The following KCNQ2 variants were observed in gnomAD, a reference collection of about 807,000 sequenced individuals.
KCNQ2 encodes the protein potassium voltage-gated channel subfamily KQT member 2.
In KCNQ2, 14 loss-of-function variants were observed where a neutral mutation model predicts 84.8. The observed-to-expected ratio is 0.17, with a 90% CI of 0.11 to 0.26. The LOEUF (loss-of-function observed/expected upper bound fraction) is 0.26, where lower values mean the gene tolerates loss of function less well. Ranked by LOEUF, KCNQ2 falls within the 10% of genes least tolerant of loss-of-function variation. KCNQ2 has a pLI of 1.00. For missense variants in KCNQ2, 788 were observed against 1,254.0 expected (o/e 0.63, Z 5.61); for synonymous variants, 599 against 554.1 (o/e 1.08, Z -1.14).
intron 9 of KCNQ2, among the ~76,000 whole-genome samples, chr20:63,429,976 G>A (rs1290976035): frequency 6.6e-6 from 1 of 152,256 alleles, no homozygotes; most frequent in Non-Finnish European, 1.5e-5. Context: ...CAGGAACCAG[G>A]CAGCTGGTGA....
chr20:63,442,959 TCACCACCACCAC>T (rs1568935393), intron 4 of KCNQ2, among the ~76,000 whole-genome samples: 1 of 22,874 alleles, frequency 4.4e-5, no homozygotes. Context: ...ATCATCACCA[TCACCACCACCAC>T]CACCATCACC....
intron 15 of KCNQ2, 83 bp downstream of exon 15, chr20:63,413,367 T>C (rs756516179): frequency 3.0e-5 from 47 of 1,560,820 alleles, no homozygotes; most frequent in Non-Finnish European, 4.0e-5. Flanking sequence ...CCCCCTGCAC[T>C]CCCACCATGG....
intron 11 of KCNQ2, among the ~76,000 whole-genome samples, chr20:63,422,906 C>T (rs891760979): frequency 2.6e-5 from 4 of 152,188 alleles, no homozygotes; most frequent in East Asian, 1.9e-4. Flanking sequence ...CGGGAAGCCT[C>T]GCGTCCACCT....
chr20:63,460,600 G>T lies in KCNQ2; in HGVS notation c.296+11568C>A, dbSNP rs988015388. ...CGGCCTCCACTTGCACACCTCCGGC[G>T]ACGGAGGGCTCACCCCACAGAAAGA... On this transcript the variant is annotated intron_variant, in intron 1 of 16. Transcript: ENST00000359125. This position sits in a 1 kb window ranked among gnomAD's most constrained non-coding sequence, Gnocchi z 5.4. Among the ~76,000 whole-genome samples, 3 of 152,172 alleles carry T rather than the reference G, an allele frequency of 2.0e-5. No homozygotes were observed. In the East Asian group the frequency reaches 5.8e-4, roughly 29 times the overall value.
At chr20:63,468,803 C>T (rs2082141892) in intron 1 of KCNQ2, among the ~76,000 whole-genome samples, 1 of 152,228 alleles carries the variant, frequency 6.6e-6, no homozygotes, top group Non-Finnish European at 1.5e-5. Flanking sequence ...CTGGCCACTC[C>T]ACGTGGCTGG....
chr20:63,407,409 G>A lies in KCNQ2; in HGVS notation c.1888-34C>T. On this transcript the variant is annotated intron_variant, in intron 16 of 16. Coordinates refer to ENST00000359125, the MANE Select transcript of KCNQ2 (RefSeq NM_172107.4). This position sits in a 1 kb window ranked among gnomAD's most constrained non-coding sequence, Gnocchi z 7.2. ...GGGGCTGCTGGGCTGGGGTGCGAGG[G>A]CCCGTCCCAGGAGATGTGGGGACCC... The A allele has an allele frequency of 6.3e-7, 1 of 1,595,776 alleles. No homozygotes were observed. The highest frequency in any genetic ancestry group is 8.5e-7 in the Non-Finnish European group (1 of 1,178,534).
chr20:63,450,267 G>C (rs1032505049), intron 1 of KCNQ2, among the ~76,000 whole-genome samples: 2 of 151,486 alleles, frequency 1.3e-5, no homozygotes, highest in Admixed American at 6.6e-5. Context: ...CTCTTCCAGA[G>C]GTCACGGCCC....
intron 7 of KCNQ2, among the ~76,000 whole-genome samples, chr20:63,437,984 A>C (rs539937512): frequency 6.6e-6 from 1 of 152,062 alleles, no homozygotes; most frequent in East Asian, 1.9e-4. Context: ...TAATTTTTGT[A>C]TTTTTAGGAG....
intron 1 of KCNQ2, among the ~76,000 whole-genome samples, chr20:63,453,129 C>T (rs1465603624): frequency 1.3e-5 from 2 of 152,116 alleles, no homozygotes; most frequent in East Asian, 1.9e-4. Flanking sequence ...CCGCGGTGGA[C>T]GTCGGCACAG....
chr20:63,443,693 G>A (rs910652761), intron 4 of KCNQ2: 1 of 152,240 alleles, frequency 6.6e-6, no homozygotes, highest in African/African-American at 2.4e-5. Context: ...GGGATATAGG[G>A]GCTGGATGGA....
chr20:63,434,139 G>A, intron 7 of KCNQ2: 1 of 552,368 alleles, frequency 1.8e-6, no homozygotes, highest in Non-Finnish European at 3.2e-6. Context: ...AAGGAGGGGA[G>A]CGGTTGGGGC....
Position 63,400,820 on chromosome 20 carries a change from TGC to T in KCNQ2, c.*5822_*5823del. The stretch of plus-strand genomic sequence containing the variant: ...CCCCTCCGTGAGACCCCTCCTGCCC[TGC>T]GCGTGTCTCTGGAGCCCGTCCCTTG... On this transcript the variant is annotated 3_prime_UTR_variant, in exon 17 of 17. Coordinates refer to ENST00000359125, the MANE Select transcript of KCNQ2 (RefSeq NM_172107.4). This position sits in a 1 kb window ranked among gnomAD's most constrained non-coding sequence, Gnocchi z 8.7. The T allele has an allele frequency of 2.5e-6, 1 of 398,404 alleles. No homozygotes were observed. The highest frequency in any genetic ancestry group is 4.4e-6 in the Non-Finnish European group (1 of 225,902). 24.7% of individuals were successfully genotyped at this position (398,404 alleles called of 1,614,324 possible).
In KCNQ2 at chr20:63,446,849, G is replaced by A. The variant is rs766979877; in HGVS notation, c.297-12C>T. On this transcript the variant is annotated splice_polypyrimidine_tract_variant and intron_variant, in intron 1 of 16. Transcript: ENST00000359125. The surrounding 1 kb of genome is among the most constrained non-coding windows in gnomAD (Gnocchi z 5.5). Reference sequence around the variant, plus strand: ...AAACCAGGAGGAACCTGGGGGCAGGGAACGCGCGCTCTCAGACAGGCCGCA... The same window carrying A: ...AAACCAGGAGGAACCTGGGGGCAGGAAACGCGCGCTCTCAGACAGGCCGCA... 1 of 1,611,348 alleles carries A rather than the reference G, an allele frequency of 6.2e-7. No homozygotes were observed. Among genetic ancestry groups the A allele is most frequent in the South Asian group, 1.1e-5 (1 of 91,034 alleles).
rs1288825123 is a variant in KCNQ2 at position 63,458,302 on chromosome 20, G to A, written c.297-11465C>T. Reference sequence around the variant, plus strand: ...TGGCAGCCAGCATAGGCGAGCCCCAGGCCCTGAAGATAGACCCCACCCTGG... The same window carrying A: ...TGGCAGCCAGCATAGGCGAGCCCCAAGCCCTGAAGATAGACCCCACCCTGG... On this transcript the variant is annotated intron_variant, in intron 1 of 16. Coordinates refer to ENST00000359125, the MANE Select transcript of KCNQ2 (RefSeq NM_172107.4). Among the ~76,000 whole-genome samples, 3 of 152,292 alleles carry A rather than the reference G, an allele frequency of 2.0e-5. No homozygotes were observed. In the East Asian group the frequency reaches 5.8e-4, roughly 29 times the overall value.
chr20:63,416,418 G>A (rs2080299490), intron 12 of KCNQ2, among the ~76,000 whole-genome samples: 1 of 152,228 alleles, frequency 6.6e-6, no homozygotes, highest in South Asian at 2.1e-4. Context: ...GGAGACGCCA[G>A]GCAGATGTGG....
At chr20:63,440,756 A>G (rs1297051867) in intron 5 of KCNQ2, among the ~76,000 whole-genome samples, 1 of 152,126 alleles carries the variant, frequency 6.6e-6, no homozygotes, top group Non-Finnish European at 1.5e-5. Flanking sequence ...ACCGACAGGA[A>G]GCTGTGGCCT....
Position 63,414,956 on chromosome 20 carries a change from C to T in KCNQ2, c.1472G>A (p.Arg491Gln), listed in dbSNP as rs2080238971. 6 of 1,612,486 alleles carry T rather than the reference C, an allele frequency of 3.7e-6. No homozygotes were observed. The highest frequency in any genetic ancestry group is 2.2e-5 in the South Asian group (2 of 91,040). Residue 491 changes from arginine to glutamine, a missense_variant, in exon 13 of 17, where the codon CGG becomes CAG. Arg to Gln is a conservative substitution (Grantham distance 43). Transcript: ENST00000359125. This position sits in a 1 kb window ranked among gnomAD's most constrained non-coding sequence, Gnocchi z 6.6. ...CTTGATGCGGAAAGCCTGGCGTGCC[C>T]GGCTGCGGTCCCCGAAGCTCCAGCT... ...PKSWSFGDRS[R>Q]ARQAFRIKGA...
chr20:63,428,829 A>G (rs1030087885), intron 9 of KCNQ2, among the ~76,000 whole-genome samples: 11 of 152,056 alleles, frequency 7.2e-5, no homozygotes, highest in Non-Finnish European at 1.6e-4. Flanking sequence ...GAATATATTT[A>G]GGGCCCCGGC....
rs1390613955 is a variant in KCNQ2, at chr20:63,400,608, G to A, written c.*6036C>T. 1 of 398,538 alleles carries A rather than the reference G, an allele frequency of 2.5e-6. No homozygotes were observed. The highest frequency in any genetic ancestry group is 4.4e-6 in the Non-Finnish European group (1 of 226,076). 24.7% of individuals were successfully genotyped at this position (398,538 alleles called of 1,614,324 possible). On this transcript the variant is annotated 3_prime_UTR_variant, in exon 17 of 17. Transcript: ENST00000359125. This position sits in a 1 kb window ranked among gnomAD's most constrained non-coding sequence, Gnocchi z 8.7. ...CATTATGAAATGTTCTTTGGAGCAT[G>A]AACAAAAGTGCAGACAGCCAGAGGC...
Sources: gnomAD v4.1 joint callset for allele counts (sites outside exome capture counted in the v4.1 genomes callset) on GRCh38, gnomAD v4.1.1 for gene constraint, Gnocchi (gnomAD v3.1) non-coding constraint, MANE v1.5 for transcripts, NCBI Gene and HGNC (gene_info 2026-07-23, HGNC 2026-07-21) for gene names.